HEG1: variants seen among roughly 807,000 people sequenced by gnomAD.
The protein encoded by HEG1 is heart development protein with EGF like domains 1, also known as protein HEG homolog 1.
HEG1 carries 56 observed loss-of-function variants against 125.6 expected under a neutral mutation model. The ratio of observed to expected loss-of-function variants is 0.45; its 90% CI spans 0.36 to 0.56. The LOEUF is 0.56. HEG1 is among the 20% of genes least tolerant of loss of function. The pLI, the probability that HEG1 is intolerant of heterozygous loss-of-function variation, is 0.00. For synonymous variants in HEG1, 644 were observed against 668.5 expected, an observed-to-expected ratio of 0.96 and a Z score of 0.57; for missense variants, 1,523 against 1,670.0, an observed-to-expected ratio of 0.91 and a Z score of 1.53.
At chr3:125,033,591 G>A (rs1937518898) in intron 1 of HEG1, among the ~76,000 whole-genome samples, 1 of 152,200 alleles carries the variant, frequency 6.6e-6, no homozygotes, top group Non-Finnish European at 1.5e-5. Context: ...TACCTCTGTG[G>A]TCTAAACTGA....
Position 125,019,540 on chromosome 3 carries a change from G to A in HEG1, c.1310C>T (p.Ser437Phe). The A allele has an allele frequency of 6.2e-7, 1 of 1,612,320 alleles. No individual in the cohort carries two copies. The highest frequency in any genetic ancestry group is 1.7e-5 in the Admixed American group (1 of 60,000). ...TGACCTAGACACAGTCTCAGTCTGAGACATGGGACTTCCATTTTGCACCTC... is the reference window on the plus strand; with the variant it reads ...TGACCTAGACACAGTCTCAGTCTGAAACATGGGACTTCCATTTTGCACCTC... Reference protein sequence around the residue: ...SSEVQNGSPMSQTETVSRSVA... With the variant: ...SSEVQNGSPMFQTETVSRSVA... Residue 437 changes from serine (S) to phenylalanine (F), a missense_variant, in exon 5 of 17, where the codon TCT becomes TTT. Ser to Phe is a radical substitution (Grantham distance 155). Transcript: ENST00000311127.
chr3:125,023,948 T>G (rs1304370897), intron 3 of HEG1, among the ~76,000 whole-genome samples: 1 of 142,504 alleles, frequency 7.0e-6, no homozygotes, highest in Non-Finnish European at 1.5e-5. Context: ...TATCCAGAAC[T>G]TGCCGAAAGT....
intron 14 of HEG1, among the ~76,000 whole-genome samples, chr3:124,978,810 T>TAAATAAAA (rs1305549247): frequency 7.1e-6 from 1 of 140,712 alleles, no homozygotes; most frequent in Non-Finnish European, 1.5e-5. Context: ...CAAAAATAAA[T>TAAATAAAA]AAATAAATAA....
At chr3:125,009,928 G>A (rs767016424) in intron 7 of HEG1, 104 bp from the exon 8 acceptor site, 53 of 1,190,108 alleles carry the variant, frequency 4.5e-5, no homozygotes, top group Middle Eastern at 4.0e-4. Context: ...GCTAGGTGTG[G>A]TGAGACCCCA....
chr3:125,014,650 G>T (rs6769860), intron 5 of HEG1: 1,178,376 of 1,179,290 alleles, frequency 1, 588,748 homozygotes, highest in Non-Finnish European at 1. Flanking sequence ...ATCCCAGGAC[G>T]GTGAGTAAAT....
Position 125,055,965 on chromosome 3 carries a change from G to GGCAGC in HEG1, c.-76_-75insGCTGC. The GGCAGC allele has an allele frequency of 1.3e-6, 1 of 789,144 alleles. No individual in the cohort carries two copies. The highest frequency in any genetic ancestry group is 5.5e-5 in the South Asian group (1 of 18,212). The allele number at this position is 789,144 out of a possible 1,614,324, so 48.9% of individuals were successfully genotyped here. A position where few individuals can be genotyped will look rare whatever the true frequency, so the allele number is the denominator to read the frequency against. ...AGCGGGCAGCGGGCAGCGGGCGGCG[G>GGCAGC]GGGCCGCGCGGGGCCGGGGAAGTGA... On this transcript the variant is annotated 5_prime_UTR_variant, in exon 1 of 17. Coordinates refer to ENST00000311127, the MANE Select transcript of HEG1 (RefSeq NM_020733.2).
intron 14 of HEG1, among the ~76,000 whole-genome samples, chr3:124,981,504 C>T (rs1177559979): frequency 6.6e-6 from 1 of 152,190 alleles, no homozygotes; most frequent in Non-Finnish European, 1.5e-5. Flanking sequence ...TCTCAGTCAC[C>T]CACAAGCCTT....
chr3:125,041,245 T>G (rs1444486962), intron 1 of HEG1, among the ~76,000 whole-genome samples: 1 of 152,216 alleles, frequency 6.6e-6, no homozygotes, highest in Non-Finnish European at 1.5e-5. Flanking sequence ...CTGGATTGTC[T>G]CTGGTGCCCC....
chr3:125,047,842 G>T (rs144570510), intron 1 of HEG1, among the ~76,000 whole-genome samples: 84 of 152,296 alleles, frequency 5.5e-4, no homozygotes, highest in Middle Eastern at 3.4e-3. Flanking sequence ...TGATTCTTCA[G>T]TTCCAAGGTG....
chr3:125,032,145 G>C (rs1937509194), intron 1 of HEG1, among the ~76,000 whole-genome samples: 1 of 152,102 alleles, frequency 6.6e-6, no homozygotes, highest in African/African-American at 2.4e-5. Flanking sequence ...CACGTGGCTG[G>C]TGGCTGCGTC....
chr3:125,005,355 C>G lies in HEG1; in HGVS notation c.3207G>C (p.Val1069=), dbSNP rs753292469. 2 of 1,562,840 alleles carry G rather than the reference C, an allele frequency of 1.3e-6. No homozygotes were observed. Among genetic ancestry groups the G allele is most frequent in the South Asian group, 2.3e-5 (2 of 85,880 alleles). ...KGICNLVRTF[V]TEFKLKRTFL... ...AAGTTCTCTTTAATTTAAACTCTGT[C>G]ACGAAGGTTCTAACTGAAAATGAAA... Residue 1069 remains valine, a synonymous_variant, in exon 9 of 17, where the codon GTG becomes GTC. Coordinates refer to ENST00000311127, the MANE Select transcript of HEG1 (RefSeq NM_020733.2).
intron 4 of HEG1, among the ~76,000 whole-genome samples, chr3:125,020,166 C>T (rs1026138019): frequency 1.3e-5 from 2 of 152,230 alleles, no homozygotes; most frequent in African/African-American, 2.4e-5. Flanking sequence ...GTGGCTCATG[C>T]CTGTAATCCC....
chr3:125,023,810 ATCT>A (rs1937373913), intron 3 of HEG1, among the ~76,000 whole-genome samples: 1 of 152,294 alleles, frequency 6.6e-6, no homozygotes, highest in South Asian at 2.1e-4. Flanking sequence ...CAAATTCCTG[ATCT>A]TTATAATGGG....
intron 12 of HEG1, among the ~76,000 whole-genome samples, chr3:124,995,440 C>T (rs943049453): frequency 2.0e-5 from 3 of 152,218 alleles, no homozygotes; most frequent in East Asian, 3.8e-4. Context: ...ACACCAAGCA[C>T]GTTGTGTGTG....
At chr3:125,025,780 G>A (rs1056601544) in intron 3 of HEG1, among the ~76,000 whole-genome samples, 7 of 152,170 alleles carry the variant, frequency 4.6e-5, no homozygotes, top group Non-Finnish European at 8.8e-5. Context: ...TTTGAGGCTG[G>A]AAGAATTGCA....
chr3:125,013,932 G>A lies in HEG1; in HGVS notation c.1647C>T (p.Ser549=), dbSNP rs916478467. 20 of 1,613,068 alleles carry A rather than the reference G, an allele frequency of 1.2e-5. No individual in the cohort carries two copies. Among genetic ancestry groups the A allele is most frequent in the East Asian group, 6.7e-5 (3 of 44,880 alleles). The stretch of plus-strand genomic sequence containing the variant: ...ACAGGTAGGTGTGGTCTGTGTGGTC[G>A]CTGGAAGTCCTTTGTTCAATAGCTG... ...RGTAIEQRTS[S]DHTDHTYLSS... is the part of the protein sequence containing the mutation. The change falls in exon 6 of 17, where the codon AGC becomes AGT. Residue 549 remains serine, a synonymous_variant. Coordinates refer to ENST00000311127, the MANE Select transcript of HEG1 (RefSeq NM_020733.2).
intron 1 of HEG1, among the ~76,000 whole-genome samples, chr3:125,042,796 A>T (rs1000677252): frequency 6.6e-6 from 1 of 152,188 alleles, no homozygotes; most frequent in Non-Finnish European, 1.5e-5. Flanking sequence ...GGTGGCCAGC[A>T]GCGGGATATT....
intron 1 of HEG1, among the ~76,000 whole-genome samples, chr3:125,052,749 A>T (rs1937840723): frequency 6.6e-6 from 1 of 152,242 alleles, no homozygotes; most frequent in African/African-American, 2.4e-5. Context: ...CTGAACAGCC[A>T]GCAGGGTGAC....
intron 14 of HEG1, among the ~76,000 whole-genome samples, chr3:124,987,553 C>T (rs549929437): frequency 2.8e-5 from 4 of 143,682 alleles, no homozygotes; most frequent in South Asian, 2.2e-4. Context: ...GACGGAGTCT[C>T]GCTGTGTCGC....
Sources: allele counts gnomAD v4.1 joint callset (sites outside exome capture counted in the v4.1 genomes callset), GRCh38; gene constraint gnomAD v4.1.1; transcripts MANE v1.5; gene names NCBI Gene and HGNC (gene_info 2026-07-23, HGNC 2026-07-21).